ARHGAP31: variants seen among roughly 807,000 people sequenced by gnomAD.
The protein encoded by ARHGAP31 is rho GTPase-activating protein 31.
A neutral mutation model predicts 113.9 loss-of-function variants in ARHGAP31; 34 were observed. That is an observed-to-expected ratio of 0.30 (90% CI 0.23 to 0.40). The LOEUF is 0.40. ARHGAP31 is among the 10% of genes least tolerant of loss of function. The probability of loss-of-function intolerance (pLI) is 1.00; values close to 1 mark genes in which losing one functional copy is unlikely to be tolerated. For missense variants in ARHGAP31, 1,548 were observed against 1,767.1 expected, an observed-to-expected ratio of 0.88 and a Z score of 2.22; for synonymous variants, 650 against 684.8, an observed-to-expected ratio of 0.95 and a Z score of 0.79.
intron 7 of ARHGAP31, among the ~76,000 whole-genome samples, chr3:119,392,851 C>G (rs965052747): frequency 2.0e-5 from 3 of 152,334 alleles, no homozygotes; most frequent in Admixed American, 6.5e-5. Context: ...AAGTCTTCAC[C>G]AGCCCTCTCT....
At chr3:119,366,457 T>TA (rs554018947) in intron 2 of ARHGAP31, among the ~76,000 whole-genome samples, 25 of 151,824 alleles carry the variant, frequency 1.6e-4, no homozygotes, top group South Asian at 2.1e-4. Context: ...TCATAGCTGT[T>TA]AAAAAAAATA....
chr3:119,381,079 G>A (rs2080393187), intron 4 of ARHGAP31, 93 bp downstream of exon 4: 1 of 1,277,002 alleles, frequency 7.8e-7, no homozygotes, highest in Admixed American at 1.8e-5. Context: ...ACAATGTGTG[G>A]ACAGTAGCAA....
chr3:119,366,016 G>T (rs1239312618), intron 2 of ARHGAP31, among the ~76,000 whole-genome samples: 2 of 152,024 alleles, frequency 1.3e-5, no homozygotes, highest in Admixed American at 6.6e-5. Context: ...ATATTTGGAA[G>T]AAATTTCTAT....
At chr3:119,307,695 G>A (rs2079642754) in intron 1 of ARHGAP31, among the ~76,000 whole-genome samples, 1 of 151,986 alleles carries the variant, frequency 6.6e-6, no homozygotes, top group Non-Finnish European at 1.5e-5. Flanking sequence ...TAAAGTTTAT[G>A]ATAAAAAGGC....
chr3:119,294,586 C>A lies in ARHGAP31; in HGVS notation c.-319C>A. On this transcript the variant is annotated 5_prime_UTR_variant, in exon 1 of 12. Coordinates refer to ENST00000264245, the MANE Select transcript of ARHGAP31 (RefSeq NM_020754.4). ...CCCTCTTAAGCTGAGGAGAAACACCCGAAGACACCGCAGGAGCCTGTGAAA... is the reference window on the plus strand; with the variant it reads ...CCCTCTTAAGCTGAGGAGAAACACCAGAAGACACCGCAGGAGCCTGTGAAA... The A allele has an allele frequency of 1.9e-6, 1 of 517,728 alleles. No homozygotes were observed. The highest frequency in any genetic ancestry group is 3.1e-5 in the South Asian group (1 of 31,790). The allele number at this position is 517,728 out of a possible 1,614,324, so 32.1% of individuals were successfully genotyped here.
Position 119,416,488 on chromosome 3 carries a change from T to C in ARHGAP31, c.*224T>C. 1 of 610,446 alleles carries C rather than the reference T, an allele frequency of 1.6e-6. No homozygotes were observed. The allele number at this position is 610,446 out of a possible 1,614,324, so 37.8% of individuals were successfully genotyped here. On this transcript the variant is annotated 3_prime_UTR_variant, in exon 12 of 12. Coordinates refer to ENST00000264245, the MANE Select transcript of ARHGAP31 (RefSeq NM_020754.4). ...ATTTAGTTAAGTCTATGTGAGCAAG[T>C]GAGAGAAGGTTAGGTAAGGGGAGAG...
Position 119,420,689 on chromosome 3 carries a change from G to A in ARHGAP31, c.*4425G>A, listed in dbSNP as rs972815799. On this transcript the variant is annotated 3_prime_UTR_variant, in exon 12 of 12. Coordinates refer to ENST00000264245, the MANE Select transcript of ARHGAP31 (RefSeq NM_020754.4). ...ATAGTACTTTCTGGCTTATAATTCT[G>A]CAAAGTAAAGCACTTTTTCAAAGGA... The A allele has an allele frequency of 2.0e-5, 3 of 152,136 alleles. No individual in the cohort carries two copies. Among genetic ancestry groups the A allele is most frequent in the Non-Finnish European group, 4.4e-5 (3 of 68,010 alleles). 9.4% of individuals were successfully genotyped at this position (152,136 alleles called of 1,614,324 possible).
intron 1 of ARHGAP31, among the ~76,000 whole-genome samples, chr3:119,351,621 AGAG>A (rs1361958135): frequency 6.6e-6 from 1 of 151,948 alleles, no homozygotes; most frequent in Non-Finnish European, 1.5e-5. Flanking sequence ...AGAAAAAAAA[AGAG>A]AGGTGGCCTG....
intron 1 of ARHGAP31, among the ~76,000 whole-genome samples, chr3:119,361,374 CTTTTTTT>C (rs555396093): frequency 2.3e-4 from 31 of 132,342 alleles, no homozygotes. Context: ...TTCAACATTC[CTTTTTTT>C]TTTTTTTTTT....
At chr3:119,326,790 T>G (rs941718184) in intron 1 of ARHGAP31, among the ~76,000 whole-genome samples, 4 of 152,152 alleles carry the variant, frequency 2.6e-5, no homozygotes, top group African/African-American at 9.7e-5. Flanking sequence ...GCTATTCCCT[T>G]TATGTTCTGA....
At chr3:119,318,664 T>A (rs2079755387) in intron 1 of ARHGAP31, among the ~76,000 whole-genome samples, 1 of 152,234 alleles carries the variant, frequency 6.6e-6, no homozygotes. Flanking sequence ...TTACTTTACC[T>A]AGACTTTCTC....
intron 1 of ARHGAP31, chr3:119,329,939 G>A (rs1057072826): frequency 2.1e-5 from 21 of 985,346 alleles, no homozygotes; most frequent in Admixed American, 6.1e-5. Context: ...AAACAAAGAC[G>A]CTGAAGAAGT....
chr3:119,403,471 T>C (rs2080631812), intron 10 of ARHGAP31, among the ~76,000 whole-genome samples: 1 of 152,192 alleles, frequency 6.6e-6, no homozygotes, highest in Admixed American at 6.5e-5. Context: ...TGTTAAGACA[T>C]GATCCCTTCC....
chr3:119,297,976 A>C (rs530457243), intron 1 of ARHGAP31, among the ~76,000 whole-genome samples: 2 of 151,998 alleles, frequency 1.3e-5, no homozygotes, highest in South Asian at 4.2e-4. Context: ...GTATCTACAT[A>C]GATGCCAATT....
At chr3:119,401,190 C>T (rs1280598336) in intron 9 of ARHGAP31, among the ~76,000 whole-genome samples, 2 of 144,380 alleles carry the variant, frequency 1.4e-5, no homozygotes, top group Non-Finnish European at 3.0e-5. Flanking sequence ...AAAAAAAATT[C>T]ACTCCTCACA....
rs116362569 is a variant in ARHGAP31 at position 119,308,556 on chromosome 3, G to T, written c.100+13552G>T. ...TCATGTCTTTCTCTACCCACAGCTG[G>T]GAAAGCTTCTCTGCTTTCAATGACT... On this transcript the variant is annotated intron_variant, in intron 1 of 11. Coordinates refer to ENST00000264245, the MANE Select transcript of ARHGAP31 (RefSeq NM_020754.4). Among the ~76,000 whole-genome samples the T allele has an allele frequency of 8.1e-3, 1,230 of 152,206 alleles. 11 individuals are homozygous for T. The highest frequency in any genetic ancestry group is 0.027 in the African/African-American group (1,116 of 41,512).
chr3:119,327,754 TTGTTTG>T (rs1477083644), intron 1 of ARHGAP31, among the ~76,000 whole-genome samples: 1 of 152,184 alleles, frequency 6.6e-6, no homozygotes, highest in African/African-American at 2.4e-5. Flanking sequence ...GCAGAGAATT[TTGTTTG>T]TGTTTGTTCA....
intron 1 of ARHGAP31, among the ~76,000 whole-genome samples, chr3:119,299,502 T>C (rs1319537650): frequency 2.0e-5 from 3 of 152,248 alleles, no homozygotes; most frequent in African/African-American, 7.2e-5. Context: ...CAAATATGAC[T>C]TTAAGCTTGA....
intron 1 of ARHGAP31, among the ~76,000 whole-genome samples, chr3:119,311,131 G>A (rs921750478): frequency 6.6e-6 from 1 of 152,146 alleles, no homozygotes; most frequent in Non-Finnish European, 1.5e-5. Flanking sequence ...TCCGTTCCCA[G>A]TGTTTCTGCC....
Sources: gnomAD v4.1 joint callset for allele counts (sites outside exome capture counted in the v4.1 genomes callset) on GRCh38, gnomAD v4.1.1 for gene constraint, MANE v1.5 for transcripts, NCBI Gene and HGNC (gene_info 2026-07-23, HGNC 2026-07-21) for gene names.